Variants in HEATR4 observed in about 807,000 individuals in gnomAD.
The protein encoded by HEATR4 is HEAT repeat containing 4.
In HEATR4, 95 loss-of-function variants were observed where a neutral mutation model predicts 108.8. The observed-to-expected ratio is 0.87, with a 90% CI of 0.74 to 1.04. The LOEUF (loss-of-function observed/expected upper bound fraction) is 1.04, where lower values mean the gene tolerates loss of function less well. Among genes scored for constraint, HEATR4 ranks in the 50% least tolerant of loss-of-function variants. The pLI is 0.00. For missense variants in HEATR4, 1,152 were observed against 1,253.8 expected (o/e 0.92, Z 1.23); for synonymous variants, 443 against 459.4 (o/e 0.96, Z 0.46).
At chr14:73,592,001 C>T in the HEATR4 span, 1 of 1,427,238 alleles carries the variant, frequency 7.0e-7, no homozygotes, top group Admixed American at 3.4e-5. Context: ...GCCGCTGCTG[C>T]TGGAACGAGC....
the HEATR4 span, chr14:73,571,179 C>T: frequency 6.6e-6 from 1 of 152,148 alleles, no homozygotes; most frequent in East Asian, 1.9e-4. Context: ...CTATGATCTC[C>T]CTGTTACCAT....
rs575956528 is a variant in HEATR4, at chr14:73,552,965, C to G, written c.-152+5786G>C. 2.5e-3 allele frequency among the ~76,000 whole-genome samples: 285 copies of G among 114,664 alleles called. 66 individuals are homozygous for G. The highest frequency in any genetic ancestry group is 7.6e-3 in the African/African-American group (269 of 35,356). The allele number at this position is 114,664 out of a possible 152,430, so 75.2% of individuals were successfully genotyped here. A position where few individuals can be genotyped will look rare whatever the true frequency, so the allele number is the denominator to read the frequency against. On this transcript the variant is annotated intron_variant, in intron 1 of 17. Coordinates refer to ENST00000553558, the MANE Select transcript of HEATR4 (RefSeq NM_001220484.1). ...TGGGTCCTATCCAGGGTTTCCCCGA[C>G]CCAAGCACACACTATTCGGCATTCC...
intron 15 of HEATR4, 35 bp from the exon 16 acceptor site, chr14:73,495,422 C>T: frequency 1.3e-6 from 2 of 1,562,958 alleles, no homozygotes; most frequent in South Asian, 1.1e-5. Context: ...AAAAACAAAA[C>T]AAAACACCTG....
At chr14:73,565,989 C>T in the HEATR4 span, among the ~76,000 whole-genome samples, 2 of 151,870 alleles carry the variant, frequency 1.3e-5, no homozygotes, top group African/African-American at 2.4e-5. Flanking sequence ...CTGATTGGTG[C>T]GTTTACAATT....
rs1280757491 is a variant in HEATR4 at position 73,509,437 on chromosome 14, G to C, written c.1595C>G (p.Pro532Arg). Residue 532 changes from proline to arginine, a missense_variant, in exon 8 of 18, where the codon CCT (proline) becomes CGT (arginine). Pro to Arg is a moderately radical substitution (Grantham distance 103). Transcript: ENST00000553558. ...TIQDLPEVLL[P>R]ALEAALCDKN... ...GTCACAAAGAGCAGCCTCTAGGGCA[G>C]GCAGTAGAACCTCCGGCAAGTCCTG... 6.2e-7 allele frequency: 1 copy of C among 1,613,974 alleles called. No individual in the cohort carries two copies. Among genetic ancestry groups the C allele is most frequent in the Non-Finnish European group, 8.5e-7 (1 of 1,180,026 alleles).
intron 1 of HEATR4, among the ~76,000 whole-genome samples, chr14:73,556,045 C>T (rs1207409655): frequency 8.7e-6 from 1 of 114,734 alleles, no homozygotes. Flanking sequence ...CAGATAAATG[C>T]CCTTTAGCCT....
chr14:73,517,397 G>T (rs1405725514), intron 5 of HEATR4: 2 of 152,034 alleles, frequency 1.3e-5, no homozygotes, highest in Admixed American at 6.6e-5. Flanking sequence ...GAATCCTCTG[G>T]CTGGGAGAGT....
chr14:73,558,203 C>T (rs1259493574), intron 1 of HEATR4, among the ~76,000 whole-genome samples: 1 of 133,330 alleles, frequency 7.5e-6, no homozygotes, highest in Non-Finnish European at 1.6e-5. Flanking sequence ...CTTAACCTGG[C>T]TTGTTTCAAG....
the HEATR4 span, among the ~76,000 whole-genome samples, chr14:73,611,783 C>G: frequency 2.0e-5 from 3 of 152,154 alleles, no homozygotes; most frequent in Non-Finnish European, 4.4e-5. Context: ...CAGACCAGAA[C>G]TCGGCTAGGT....
chr14:73,518,175 C>T (rs1414004321), intron 5 of HEATR4, among the ~76,000 whole-genome samples: 1 of 152,168 alleles, frequency 6.6e-6, no homozygotes, highest in Non-Finnish European at 1.5e-5. Flanking sequence ...GTGCCTGTGC[C>T]TCCAAGGATA....
chr14:73,523,283 A>G (rs1329272945), intron 2 of HEATR4, 59 bp from the exon 3 acceptor site: 2 of 828,092 alleles, frequency 2.4e-6, no homozygotes, highest in South Asian at 1.9e-5. Context: ...TTGGTAGCCC[A>G]TAGCAGTTCA....
chr14:73,597,178 G>A, the HEATR4 span, among the ~76,000 whole-genome samples: 1 of 151,968 alleles, frequency 6.6e-6, no homozygotes, highest in Non-Finnish European at 1.5e-5. Context: ...CCGCCTCCCA[G>A]GTTCATGCCA....
Position 73,537,108 on chromosome 14 carries a change from C to G in HEATR4, c.-151-6864G>C, listed in dbSNP as rs1213830661. The stretch of plus-strand genomic sequence containing the variant: ...ACGCCATTCTCCTGCCTCAGCCTCC[C>G]GAGTAGCCGGGACGAACCAGTCCTG... On this transcript the variant is annotated intron_variant, in intron 1 of 17. Coordinates refer to ENST00000553558, the MANE Select transcript of HEATR4 (RefSeq NM_001220484.1). 4 of 245,974 alleles carry G rather than the reference C, an allele frequency of 1.6e-5. 1 individual carries two copies. Among genetic ancestry groups the G allele is most frequent in the Non-Finnish European group, 2.8e-5 (4 of 141,786 alleles). The allele number at this position is 245,974 out of a possible 1,614,324, so 15.2% of individuals were successfully genotyped here.
chr14:73,632,669 C>A, the HEATR4 span, among the ~76,000 whole-genome samples: 1 of 151,874 alleles, frequency 6.6e-6, no homozygotes, highest in East Asian at 2.0e-4. Flanking sequence ...CATGGTGAAA[C>A]CCCATCTCTA....
the HEATR4 span, among the ~76,000 whole-genome samples, chr14:73,617,551 A>C: frequency 8.5e-5 from 13 of 152,350 alleles, no homozygotes; most frequent in African/African-American, 3.1e-4. Flanking sequence ...ATTGTGGACC[A>C]AAATTCAAAG....
In HEATR4 at chr14:73,536,626, CA is replaced by C. The variant is rs572977521; in HGVS notation, c.-151-6383del. Among the ~76,000 whole-genome samples, 236 of 112,702 alleles carry C rather than the reference CA, an allele frequency of 2.1e-3. 69 individuals are homozygous for C. The highest frequency in any genetic ancestry group is 3.7e-3 in the Non-Finnish European group (191 of 52,170). The allele number at this position is 112,702 out of a possible 152,430, so 73.9% of individuals were successfully genotyped here. A position where few individuals can be genotyped will look rare whatever the true frequency, so the allele number is the denominator to read the frequency against. Reference sequence around the variant, plus strand: ...TAACTATTGGCCGGGCGCGGTGGCTCATCGCCTGTAAATCCCAGCACTTTGG... The same window carrying C: ...TAACTATTGGCCGGGCGCGGTGGCTCTCGCCTGTAAATCCCAGCACTTTGG... On this transcript the variant is annotated intron_variant, in intron 1 of 17. Transcript: ENST00000553558.
chr14:73,522,147 G>A (rs765902639), intron 3 of HEATR4, 125 bp downstream of exon 3: 21 of 969,134 alleles, frequency 2.2e-5, no homozygotes, highest in East Asian at 4.8e-5. Context: ...AGAGCAGGCC[G>A]GTGGTGGAGA....
intron 17 of HEATR4, among the ~76,000 whole-genome samples, chr14:73,483,197 T>C (rs1158098646): frequency 6.6e-6 from 1 of 152,218 alleles, no homozygotes; most frequent in Non-Finnish European, 1.5e-5. Flanking sequence ...GGGTTAATAT[T>C]TCTGATTTAT....
chr14:73,510,919 G>C (rs1887212643), intron 7 of HEATR4, among the ~76,000 whole-genome samples: 1 of 152,168 alleles, frequency 6.6e-6, no homozygotes, highest in East Asian at 1.9e-4. Context: ...AGTATCCAGG[G>C]AGGCCCAAAC....
Sources: allele counts gnomAD v4.1 joint callset (sites outside exome capture counted in the v4.1 genomes callset), GRCh38; gene constraint gnomAD v4.1.1; transcripts MANE v1.5; gene names NCBI Gene and HGNC (gene_info 2026-07-23, HGNC 2026-07-21).